The following CCDC158 variants were observed in gnomAD, a reference collection of about 807,000 sequenced individuals.
CCDC158 encodes coiled-coil domain-containing protein 158.
In CCDC158, 116 loss-of-function variants were observed where a neutral mutation model predicts 138.6. The ratio of observed to expected loss-of-function variants is 0.84; its 90% CI spans 0.72 to 0.98. The LOEUF (loss-of-function observed/expected upper bound fraction) is 0.98. CCDC158 is among the 50% of genes least tolerant of loss of function. CCDC158 has a pLI of 0.00. For missense variants in CCDC158, 1,265 were observed against 1,306.1 expected, an observed-to-expected ratio of 0.97 and a Z score of 0.48; for synonymous variants, 436 against 442.4, an observed-to-expected ratio of 0.99 and a Z score of 0.18.
At chr4:76,351,315 G>C (rs1463803621) in intron 17 of CCDC158, among the ~76,000 whole-genome samples, 194 bp from the exon 18 acceptor site, 7 of 145,142 alleles carry the variant, frequency 4.8e-5, no homozygotes, top group Non-Finnish European at 1.1e-4. Flanking sequence ...AAAAAAAAAC[G>C]TTTTGTCATG....
intron 3 of CCDC158, among the ~76,000 whole-genome samples, chr4:76,397,997 C>G (rs1415138896): frequency 2.6e-5 from 4 of 152,138 alleles, no homozygotes; most frequent in Non-Finnish European, 5.9e-5. Flanking sequence ...TAAAAAGACA[C>G]AGGAGCCAGT....
chr4:76,322,342 C>T (rs985322257), intron 24 of CCDC158, among the ~76,000 whole-genome samples: 17 of 152,302 alleles, frequency 1.1e-4, no homozygotes, highest in African/African-American at 2.6e-4. Context: ...CCCCGATCTA[C>T]TCTTCACTGT....
chr4:76,315,235 C>T (rs1360129710), intron 24 of CCDC158, among the ~76,000 whole-genome samples: 2 of 152,102 alleles, frequency 1.3e-5, no homozygotes, highest in African/African-American at 2.4e-5. Flanking sequence ...AACCATCCTG[C>T]GTACCCCACA....
chr4:76,344,833 G>A, intron 18 of CCDC158: 1 of 1,597,400 alleles, frequency 6.3e-7, no homozygotes. Flanking sequence ...CCGGGAGAGG[G>A]TGAAGGGTCT....
At chr4:76,367,804 T>G (rs201713911) in intron 11 of CCDC158, 28 bp from the exon 12 acceptor site, 3 of 1,575,340 alleles carry the variant, frequency 1.9e-6, no homozygotes, top group Non-Finnish European at 2.6e-6. Flanking sequence ...GAGAATTTCA[T>G]AGATTTGGGA....
chr4:76,371,574 G>A, intron 9 of CCDC158, 38 bp from the exon 10 acceptor site: 1 of 1,604,426 alleles, frequency 6.2e-7, no homozygotes, highest in Non-Finnish European at 8.5e-7. Context: ...GTCTGATTAT[G>A]ACAGTGGGTA....
intron 8 of CCDC158, among the ~76,000 whole-genome samples, chr4:76,381,059 G>A (rs528231122): frequency 3.9e-5 from 6 of 152,338 alleles, no homozygotes; most frequent in Middle Eastern, 3.4e-3. Flanking sequence ...GAAATGCCTG[G>A]ATGTCCAGGC....
intron 4 of CCDC158, among the ~76,000 whole-genome samples, chr4:76,391,868 T>C (rs1051767984): frequency 1.3e-5 from 2 of 151,874 alleles, no homozygotes; most frequent in African/African-American, 4.8e-5. Context: ...CAAAGGATAA[T>C]TTGTGGCTAC....
chr4:76,388,934 C>T (rs1727067410), intron 4 of CCDC158, among the ~76,000 whole-genome samples: 1 of 152,274 alleles, frequency 6.6e-6, no homozygotes, highest in South Asian at 2.1e-4. Flanking sequence ...TCTGCAAAAA[C>T]CATAGCATTA....
chr4:76,330,804 A>G (rs1329642927), intron 21 of CCDC158, among the ~76,000 whole-genome samples: 1 of 152,188 alleles, frequency 6.6e-6, no homozygotes, highest in Non-Finnish European at 1.5e-5. Context: ...GGACTTGAGC[A>G]TCTGTAAATT....
intron 4 of CCDC158, among the ~76,000 whole-genome samples, chr4:76,389,665 A>G (rs1007326501): frequency 6.6e-6 from 1 of 152,218 alleles, no homozygotes; most frequent in African/African-American, 2.4e-5. Context: ...AAGGCAATTA[A>G]TAATCAAACT....
At chr4:76,379,592 G>C (rs1726034765) in intron 8 of CCDC158, among the ~76,000 whole-genome samples, 188 bp from the exon 9 acceptor site, 2 of 152,076 alleles carry the variant, frequency 1.3e-5, no homozygotes, top group Admixed American at 1.3e-4. Context: ...TGCTGAAGCT[G>C]GGTGACAGCT....
intron 4 of CCDC158, among the ~76,000 whole-genome samples, chr4:76,388,322 C>T (rs1371177496): frequency 6.6e-6 from 1 of 152,136 alleles, no homozygotes; most frequent in Non-Finnish European, 1.5e-5. Flanking sequence ...GGCAGGGCAG[C>T]ATTTCTGGAC....
At chr4:76,393,101 A>G (rs1452810815) in intron 4 of CCDC158, among the ~76,000 whole-genome samples, 1 of 152,194 alleles carries the variant, frequency 6.6e-6, no homozygotes, top group African/African-American at 2.4e-5. Flanking sequence ...AAAAATACTA[A>G]TGACATTCTT....
At chr4:76,386,919 T>C (rs1726848939) in intron 4 of CCDC158, among the ~76,000 whole-genome samples, 3 of 152,148 alleles carry the variant, frequency 2.0e-5, no homozygotes, top group South Asian at 4.1e-4. Flanking sequence ...TGGTCAGAAC[T>C]CGAGTTTCTC....
At chr4:76,313,724 C>T (rs892536604) in intron 24 of CCDC158, among the ~76,000 whole-genome samples, 3 of 152,190 alleles carry the variant, frequency 2.0e-5, no homozygotes, top group Non-Finnish European at 1.5e-5. Flanking sequence ...AATCTGCCTC[C>T]GCCCAAGAGG....
In CCDC158 at chr4:76,403,118, G is replaced by T. The variant is rs1461669843; in HGVS notation, c.70+20C>A. On this transcript the variant is annotated intron_variant, in intron 3 of 24. Transcript: ENST00000682701. The stretch of plus-strand genomic sequence containing the variant: ...GTTAATTCTATTTTTTCCCCATTTT[G>T]TTTTATAAACAGCACATACCTCCAT... 6.5e-7 allele frequency: 1 copy of T among 1,550,054 alleles called. No individual in the cohort carries two copies. The highest frequency in any genetic ancestry group is 1.8e-5 in the Admixed American group (1 of 55,706).
chr4:76,344,553 A>G, intron 18 of CCDC158: 5 of 1,021,688 alleles, frequency 4.9e-6, no homozygotes, highest in Non-Finnish European at 7.8e-6. Flanking sequence ...TGAATAGCTG[A>G]CATCTGTATC....
intron 4 of CCDC158, among the ~76,000 whole-genome samples, chr4:76,386,574 C>T (rs1726811870): frequency 6.6e-6 from 1 of 152,260 alleles, no homozygotes. Flanking sequence ...TCATTCCTTC[C>T]TTGCTTTGTT....
Sources: gnomAD v4.1 joint callset for allele counts (sites outside exome capture counted in the v4.1 genomes callset) on GRCh38, gnomAD v4.1.1 for gene constraint, MANE v1.5 for transcripts, NCBI Gene and HGNC (gene_info 2026-07-23, HGNC 2026-07-21) for gene names.